FGF12: variants seen among roughly 807,000 people sequenced by gnomAD.
FGF12 encodes fibroblast growth factor 12B.
Under a neutral mutation model 23.6 loss-of-function variants are expected in FGF12, and 14 were observed. That is an observed-to-expected ratio of 0.59 (90% CI 0.39 to 0.93). FGF12 has a LOEUF of 0.93. Ranked by LOEUF, FGF12 falls within the 40% of genes least tolerant of loss-of-function variation. The probability of loss-of-function intolerance (pLI) is 0.00; values close to 1 mark genes in which losing one functional copy is unlikely to be tolerated. For synonymous variants in FGF12, 62 were observed against 77.3 expected (o/e 0.80, Z 1.04); for missense variants, 175 against 217.8 (o/e 0.80, Z 1.24).
intron 2 of FGF12, among the ~76,000 whole-genome samples, chr3:192,389,976 AG>A (rs1301635355): frequency 9.2e-5 from 14 of 152,348 alleles, no homozygotes; most frequent in African/African-American, 3.4e-4. Context: ...ATAAAGAAAA[AG>A]CTGTCCTGTA....
At chr3:192,587,776 G>A (rs1713432329) in intron 2 of FGF12, among the ~76,000 whole-genome samples, 2 of 151,876 alleles carry the variant, frequency 1.3e-5, no homozygotes, top group Non-Finnish European at 2.9e-5. Flanking sequence ...AGCTATGACT[G>A]CATCGCTGTA....
chr3:192,628,767 A>G lies in FGF12; in HGVS notation c.13+98414T>C, dbSNP rs150150722. Among the ~76,000 whole-genome samples, 1,109 of 150,812 alleles carry G rather than the reference A, an allele frequency of 7.4e-3. 2 individuals are homozygous for G. Among genetic ancestry groups the G allele is most frequent in the Non-Finnish European group, 0.012 (821 of 67,752 alleles). ...TACATAAATATATACTTTTTACTAT[A>G]AAAGTTGACGCAAAAGTAATTGTGG... On this transcript the variant is annotated intron_variant, in intron 2 of 5. Coordinates refer to ENST00000445105, the MANE Select transcript of FGF12 (RefSeq NM_004113.6).
chr3:192,616,179 A>G (rs1371611103), intron 2 of FGF12, among the ~76,000 whole-genome samples: 1 of 152,096 alleles, frequency 6.6e-6, no homozygotes, highest in Non-Finnish European at 1.5e-5. Context: ...ATTTATTGGA[A>G]TCATTGGCAA....
intron 5 of FGF12, among the ~76,000 whole-genome samples, chr3:192,144,971 GT>G (rs1713616046): frequency 6.6e-6 from 1 of 152,226 alleles, no homozygotes; most frequent in Non-Finnish European, 1.5e-5. Flanking sequence ...AATATCAGGA[GT>G]TACTTTTATC....
intron 4 of FGF12, among the ~76,000 whole-genome samples, chr3:192,194,382 A>G (rs1471389607): frequency 6.6e-6 from 1 of 152,212 alleles, no homozygotes; most frequent in Non-Finnish European, 1.5e-5. Flanking sequence ...AGGCTGAGTG[A>G]GAGCTATGAA....
intron 4 of FGF12, among the ~76,000 whole-genome samples, chr3:192,290,948 T>C (rs1560054527): frequency 2.0e-5 from 3 of 152,086 alleles, no homozygotes; most frequent in Non-Finnish European, 4.4e-5. Flanking sequence ...CACACATACA[T>C]CGAAAAACAT....
intron 5 of FGF12, among the ~76,000 whole-genome samples, chr3:192,169,961 A>C (rs1389866540): frequency 6.7e-6 from 1 of 149,978 alleles, no homozygotes; most frequent in African/African-American, 2.5e-5. Context: ...CGGTAAATAT[A>C]AAAGTATCAT....
At chr3:192,623,515 G>C (rs1715050906) in intron 2 of FGF12, among the ~76,000 whole-genome samples, 1 of 152,096 alleles carries the variant, frequency 6.6e-6, no homozygotes, top group South Asian at 2.1e-4. Context: ...CTTTTGTTTT[G>C]TACATAGTCC....
intron 4 of FGF12, among the ~76,000 whole-genome samples, chr3:192,185,062 C>T (rs1024940167): frequency 6.6e-6 from 1 of 152,220 alleles, no homozygotes; most frequent in Non-Finnish European, 1.5e-5. Flanking sequence ...ATCTGCAAAT[C>T]CAAATCTCTC....
At chr3:192,592,696 T>C (rs892517505) in intron 2 of FGF12, among the ~76,000 whole-genome samples, 1 of 151,748 alleles carries the variant, frequency 6.6e-6, no homozygotes, top group Admixed American at 6.6e-5. Context: ...CAAAACCACT[T>C]TCCAGAATTC....
intron 2 of FGF12, among the ~76,000 whole-genome samples, chr3:192,717,225 G>A (rs1211532696): frequency 2.0e-5 from 3 of 152,292 alleles, no homozygotes; most frequent in Non-Finnish European, 4.4e-5. Flanking sequence ...TGGGTGTTAA[G>A]TAGTGGTTAA....
At chr3:192,696,125 ATG>A (rs778951959) in intron 2 of FGF12, among the ~76,000 whole-genome samples, 168 of 150,182 alleles carry the variant, frequency 1.1e-3, no homozygotes, top group Non-Finnish European at 1.7e-3. Context: ...CTCTCTGCAC[ATG>A]TGTTTTTCTG....
At chr3:192,260,341 C>T (rs1712671313) in intron 4 of FGF12, among the ~76,000 whole-genome samples, 1 of 152,106 alleles carries the variant, frequency 6.6e-6, no homozygotes, top group Non-Finnish European at 1.5e-5. Context: ...TTTTATACAT[C>T]TTTGATCTCC....
chr3:192,327,681 T>C (rs1029142183), intron 4 of FGF12, among the ~76,000 whole-genome samples: 1 of 151,896 alleles, frequency 6.6e-6, no homozygotes, highest in Non-Finnish European at 1.5e-5. Flanking sequence ...AGTTATGCGT[T>C]CTAGACATGT....
intron 2 of FGF12, among the ~76,000 whole-genome samples, chr3:192,465,697 G>A (rs1372352404): frequency 6.6e-6 from 1 of 152,200 alleles, no homozygotes; most frequent in East Asian, 1.9e-4. Flanking sequence ...CTACGTGACT[G>A]TCGCCCTCCC....
chr3:192,165,117 C>T (rs1715089443), intron 5 of FGF12, among the ~76,000 whole-genome samples: 3 of 151,892 alleles, frequency 2.0e-5, no homozygotes, highest in Admixed American at 2.0e-4. Flanking sequence ...CCACACCTGG[C>T]TAATTTTCAT....
intron 2 of FGF12, among the ~76,000 whole-genome samples, chr3:192,683,866 C>T (rs778421799): frequency 2.6e-5 from 4 of 152,154 alleles, no homozygotes; most frequent in Non-Finnish European, 4.4e-5. Context: ...TCTTTCTGTT[C>T]GGCTGCAACT....
At chr3:192,300,742 G>A (rs984051974) in intron 4 of FGF12, among the ~76,000 whole-genome samples, 1 of 152,058 alleles carries the variant, frequency 6.6e-6, no homozygotes, top group Non-Finnish European at 1.5e-5. Flanking sequence ...GGCTCACCTG[G>A]CGCAGTGGCT....
At chr3:192,381,974 T>C (rs761269344) in intron 2 of FGF12, among the ~76,000 whole-genome samples, 1 of 152,014 alleles carries the variant, frequency 6.6e-6, no homozygotes, top group Non-Finnish European at 1.5e-5. Flanking sequence ...ATAGGGAGTG[T>C]TATGTAGACT....
Sources: allele counts gnomAD v4.1 joint callset (sites outside exome capture counted in the v4.1 genomes callset), GRCh38; gene constraint gnomAD v4.1.1; transcripts MANE v1.5; gene names NCBI Gene and HGNC (gene_info 2026-07-23, HGNC 2026-07-21).